R3HDM2: variants seen among roughly 807,000 people sequenced by gnomAD.
The protein encoded by R3HDM2 is R3H domain containing 2.
A neutral mutation model predicts 124.5 loss-of-function variants in R3HDM2; 38 were observed. That is an observed-to-expected ratio of 0.31 (90% CI 0.24 to 0.40). The LOEUF (loss-of-function observed/expected upper bound fraction) is 0.40, where lower values mean the gene tolerates loss of function less well. R3HDM2 is among the 10% of genes least tolerant of loss of function. R3HDM2 has a pLI of 1.00. For synonymous variants in R3HDM2, 391 were observed against 448.0 expected, an observed-to-expected ratio of 0.87 and a Z score of 1.61; for missense variants, 869 against 1,236.9, an observed-to-expected ratio of 0.70 and a Z score of 4.46.
chr12:57,355,526 G>T (rs1183323735), intron 2 of R3HDM2, among the ~76,000 whole-genome samples: 1 of 150,430 alleles, frequency 6.6e-6, no homozygotes, highest in Non-Finnish European at 1.5e-5. Context: ...CTTTCCCATT[G>T]AAATGACTTG....
chr12:57,279,614 G>A (rs1377025438), intron 14 of R3HDM2, among the ~76,000 whole-genome samples: 2 of 151,414 alleles, frequency 1.3e-5, no homozygotes, highest in African/African-American at 2.4e-5. Context: ...ACCAGCCTAG[G>A]CAACATAAGC....
intron 2 of R3HDM2, among the ~76,000 whole-genome samples, chr12:57,334,892 C>G (rs1433851110): frequency 1.3e-5 from 2 of 151,432 alleles, no homozygotes; most frequent in Non-Finnish European, 2.9e-5. Flanking sequence ...AATCCCAGCA[C>G]TTTGAGAGGC....
chr12:57,291,502 A>C (rs988172918), intron 11 of R3HDM2, among the ~76,000 whole-genome samples: 6 of 151,904 alleles, frequency 3.9e-5, no homozygotes, highest in African/African-American at 1.4e-4. Context: ...AAAAATAAAA[A>C]AGTTAGCCAG....
chr12:57,399,787 GA>G (rs988720918), intron 1 of R3HDM2, among the ~76,000 whole-genome samples: 1 of 152,076 alleles, frequency 6.6e-6, no homozygotes, highest in Non-Finnish European at 1.5e-5. Context: ...CTTCCCCCCT[GA>G]AAGTTTTTAA....
At chr12:57,276,125 G>A (rs890615664) in intron 14 of R3HDM2, among the ~76,000 whole-genome samples, 37 of 151,290 alleles carry the variant, frequency 2.4e-4, no homozygotes, top group African/African-American at 8.0e-4. Context: ...GCTGAGGCAC[G>A]AGAATGGCAT....
intron 10 of R3HDM2, among the ~76,000 whole-genome samples, chr12:57,294,952 A>C (rs2049433184): frequency 1.3e-5 from 2 of 152,264 alleles, no homozygotes; most frequent in South Asian, 2.1e-4. Flanking sequence ...ATTAGATCAC[A>C]ACTTTGCCAG....
In R3HDM2 at chr12:57,395,873, T is replaced by C. The variant is rs377733078; in HGVS notation, c.-105-55A>G. ...AGTTAAAAGCAATTTTAAACCTTAA[T>C]ATATTAGATCCAATTCAAAATCCAC... On this transcript the variant is annotated intron_variant, in intron 1 of 23. Transcript: ENST00000402412. 3.7e-6 allele frequency: 3 copies of C among 807,570 alleles called. No homozygotes were observed. In the East Asian group the frequency reaches 3.8e-4, roughly 101 times the overall value. The allele number at this position is 807,570 out of a possible 1,614,324, so 50.0% of individuals were successfully genotyped here.
intron 2 of R3HDM2, among the ~76,000 whole-genome samples, chr12:57,335,481 C>T (rs1242911217): frequency 2.1e-5 from 3 of 143,964 alleles, no homozygotes; most frequent in Non-Finnish European, 3.0e-5. Context: ...TGAGCCATCA[C>T]GCCCGGCCAC....
chr12:57,413,632 A>C (rs1209276562), intron 1 of R3HDM2, among the ~76,000 whole-genome samples: 1 of 151,414 alleles, frequency 6.6e-6, no homozygotes. Flanking sequence ...GCTACTCAGG[A>C]GGCTGAAGCA....
At chr12:57,416,189 T>C (rs2069576714) in intron 1 of R3HDM2, among the ~76,000 whole-genome samples, 1 of 151,854 alleles carries the variant, frequency 6.6e-6, no homozygotes, top group African/African-American at 2.4e-5. Context: ...ATTCCTAATA[T>C]ACAGTAACAC....
chr12:57,344,826 GTTTT>G (rs1440815951), intron 2 of R3HDM2, among the ~76,000 whole-genome samples: 4 of 151,648 alleles, frequency 2.6e-5, no homozygotes, highest in Non-Finnish European at 5.9e-5. Context: ...CTGTTTTTTT[GTTTT>G]TTGTTTTTTT....
chr12:57,337,317 A>AT (rs2058979641), intron 2 of R3HDM2, among the ~76,000 whole-genome samples: 1 of 151,726 alleles, frequency 6.6e-6, no homozygotes, highest in African/African-American at 2.4e-5. Context: ...ACTTGGCTGA[A>AT]TTTTTTTTGT....
Position 57,268,823 on chromosome 12 carries a change from T to C in R3HDM2, c.1875+99A>G, listed in dbSNP as rs920854856. 52 of 1,384,890 alleles carry C rather than the reference T, an allele frequency of 3.8e-5. No homozygotes were observed. In the African/African-American group the frequency reaches 6.2e-4, roughly 17 times the overall value. The allele number at this position is 1,384,890 out of a possible 1,614,324, so 85.8% of individuals were successfully genotyped here. On this transcript the variant is annotated intron_variant, in intron 17 of 23. Transcript: ENST00000402412. ...AAATTCTAGGGGAAAGTAGACACTA[T>C]TTTAGTATTGGAGTTTTTAGTATGG...
At chr12:57,291,664 A>C (rs1228557081) in intron 11 of R3HDM2, among the ~76,000 whole-genome samples, 1 of 151,302 alleles carries the variant, frequency 6.6e-6, no homozygotes, top group Non-Finnish European at 1.5e-5. Flanking sequence ...AAAAAAAAAA[A>C]ACAAAAAAAA....
intron 2 of R3HDM2, among the ~76,000 whole-genome samples, chr12:57,368,579 G>A (rs1292801524): frequency 2.6e-5 from 4 of 152,134 alleles, no homozygotes; most frequent in African/African-American, 9.7e-5. Flanking sequence ...CTATGTGATG[G>A]AGCCCCAGTA....
At chr12:57,346,759 A>G (rs1355988706) in intron 2 of R3HDM2, among the ~76,000 whole-genome samples, 1 of 152,212 alleles carries the variant, frequency 6.6e-6, no homozygotes, top group African/African-American at 2.4e-5. Context: ...CATATAATAG[A>G]CTATTCTCCT....
At chr12:57,278,783 A>G (rs2045455963) in intron 14 of R3HDM2, among the ~76,000 whole-genome samples, 1 of 152,204 alleles carries the variant, frequency 6.6e-6, no homozygotes, top group Admixed American at 6.5e-5. Context: ...CATGCAAATT[A>G]CATTTAGACA....
intron 1 of R3HDM2, among the ~76,000 whole-genome samples, chr12:57,400,952 C>T (rs754191988): frequency 1.3e-5 from 2 of 152,026 alleles, no homozygotes; most frequent in Non-Finnish European, 2.9e-5. Flanking sequence ...TCCCCAGCCA[C>T]ACCAAATAAT....
chr12:57,255,954 C>T (rs758446086), intron 23 of R3HDM2, 36 bp downstream of exon 23: 5 of 1,581,776 alleles, frequency 3.2e-6, no homozygotes, highest in Non-Finnish European at 4.3e-6. Flanking sequence ...GAAGGGTGGG[C>T]ACCTTCTCTT....
Sources: gnomAD v4.1 joint callset for allele counts (sites outside exome capture counted in the v4.1 genomes callset) on GRCh38, gnomAD v4.1.1 for gene constraint, MANE v1.5 for transcripts, NCBI Gene and HGNC (gene_info 2026-07-23, HGNC 2026-07-21) for gene names.